The following SYN3 variants were observed in gnomAD, a reference collection of about 807,000 sequenced individuals.
SYN3 encodes synapsin-3.
SYN3 carries 35 observed loss-of-function variants against 65.8 expected under a neutral mutation model. The ratio of observed to expected loss-of-function variants is 0.53; its 90% CI spans 0.41 to 0.70. The LOEUF (loss-of-function observed/expected upper bound fraction) is 0.70, where lower values mean the gene tolerates loss of function less well. Ranked by LOEUF, SYN3 falls within the 30% of genes least tolerant of loss-of-function variation. The probability of loss-of-function intolerance (pLI) is 0.00; values close to 1 mark genes in which losing one functional copy is unlikely to be tolerated. For missense variants in SYN3, 680 were observed against 749.0 expected (o/e 0.91, Z 1.08); for synonymous variants, 270 against 292.9 (o/e 0.92, Z 0.80).
chr22:32,870,189 A>C (rs2048811800), intron 4 of SYN3, among the ~76,000 whole-genome samples: 1 of 152,230 alleles, frequency 6.6e-6, no homozygotes, highest in African/African-American at 2.4e-5. Context: ...TGGCATGTAC[A>C]AAGAAGTAAA....
intron 6 of SYN3, among the ~76,000 whole-genome samples, chr22:32,807,579 G>A (rs1441011638): frequency 6.7e-6 from 1 of 149,530 alleles, no homozygotes; most frequent in East Asian, 1.9e-4. Context: ...AGGGAGGTGT[G>A]CTATTGTCAT....
At chr22:32,671,583 ACACACACGCTGTCATACAGGTG>A (rs1464452649) in intron 6 of SYN3, among the ~76,000 whole-genome samples, 3 of 151,336 alleles carry the variant, frequency 2.0e-5, no homozygotes, top group Admixed American at 2.0e-4. Flanking sequence ...ACAAGTGCAC[ACACACACGCTGTCATACAGGTG>A]CACACACGCT....
chr22:32,678,567 T>C (rs2060478966), intron 6 of SYN3, among the ~76,000 whole-genome samples: 1 of 151,234 alleles, frequency 6.6e-6, no homozygotes, highest in African/African-American at 2.4e-5. Flanking sequence ...CTCCTCCTCC[T>C]TCCTCCTCCT....
chr22:32,522,544 T>C (rs1360913550), intron 12 of SYN3, among the ~76,000 whole-genome samples: 2 of 152,166 alleles, frequency 1.3e-5, no homozygotes, highest in Non-Finnish European at 2.9e-5. Flanking sequence ...GGAACACTTA[T>C]TACTATAGAA....
chr22:32,713,846 A>G (rs1158404623), intron 6 of SYN3, among the ~76,000 whole-genome samples: 1 of 151,246 alleles, frequency 6.6e-6, no homozygotes, highest in East Asian at 1.9e-4. Context: ...AAAAAAAAAA[A>G]AGAAAACAGA....
intron 4 of SYN3, among the ~76,000 whole-genome samples, chr22:32,869,448 C>T (rs1292769343): frequency 2.0e-5 from 3 of 149,800 alleles, no homozygotes; most frequent in African/African-American, 4.9e-5. Context: ...GTGAATCAAC[C>T]GAGATTCTGC....
intron 7 of SYN3, among the ~76,000 whole-genome samples, chr22:32,562,142 C>G (rs894957197): frequency 1.3e-5 from 2 of 152,200 alleles, no homozygotes; most frequent in African/African-American, 2.4e-5. Flanking sequence ...AACATCCCCC[C>G]CAATACTTAA....
chr22:32,676,420 G>A (rs1421290553), intron 6 of SYN3, among the ~76,000 whole-genome samples: 2 of 152,098 alleles, frequency 1.3e-5, no homozygotes, highest in Admixed American at 6.5e-5. Context: ...GCAGAAGCCC[G>A]GAGGTGTGTG....
At chr22:33,010,281 T>C (rs1349738563) in intron 1 of SYN3, among the ~76,000 whole-genome samples, 2 of 152,034 alleles carry the variant, frequency 1.3e-5, no homozygotes, top group African/African-American at 4.8e-5. Context: ...CATACCATCC[T>C]ACAGTGTCTT....
At chr22:32,756,435 T>G (rs1286732232) in intron 6 of SYN3, among the ~76,000 whole-genome samples, 1 of 152,172 alleles carries the variant, frequency 6.6e-6, no homozygotes, top group East Asian at 1.9e-4. Flanking sequence ...AAAATAATAA[T>G]TTATAATGAA....
intron 6 of SYN3, among the ~76,000 whole-genome samples, chr22:32,823,862 C>T (rs1388707776): frequency 1.3e-5 from 2 of 152,152 alleles, no homozygotes; most frequent in Non-Finnish European, 2.9e-5. Flanking sequence ...GGTACATCCC[C>T]ACAGTGCCCT....
chr22:32,715,337 C>T (rs1010672634), intron 6 of SYN3, among the ~76,000 whole-genome samples: 1 of 152,150 alleles, frequency 6.6e-6, no homozygotes, highest in African/African-American at 2.4e-5. Flanking sequence ...CTCAGTGTTT[C>T]CCAAATGTAT....
intron 6 of SYN3, among the ~76,000 whole-genome samples, chr22:32,835,087 CCTATA>C (rs2047691270): frequency 6.6e-6 from 1 of 152,156 alleles, no homozygotes; most frequent in Non-Finnish European, 1.5e-5. Flanking sequence ...TGATCAAAAC[CCTATA>C]CATTCTTCTG....
At chr22:32,825,528 G>A (rs370581980) in intron 6 of SYN3, among the ~76,000 whole-genome samples, 9 of 151,292 alleles carry the variant, frequency 5.9e-5, no homozygotes, top group African/African-American at 1.5e-4. Flanking sequence ...GTGTGGTGGC[G>A]GGCGCCTGTA....
chr22:32,542,493 G>C (rs1444353249), intron 7 of SYN3, among the ~76,000 whole-genome samples: 2 of 151,534 alleles, frequency 1.3e-5, no homozygotes, highest in African/African-American at 4.9e-5. Context: ...TGTGTGTGCT[G>C]TGAGTTGTAC....
intron 1 of SYN3, among the ~76,000 whole-genome samples, chr22:33,012,334 CT>C (rs1357558771): frequency 2.0e-5 from 3 of 152,216 alleles, no homozygotes; most frequent in Admixed American, 2.0e-4. Flanking sequence ...CTTGTTAATG[CT>C]TTTAATATAA....
At chr22:32,617,975 T>C (rs1335388111) in intron 6 of SYN3, among the ~76,000 whole-genome samples, 1 of 152,114 alleles carries the variant, frequency 6.6e-6, no homozygotes. Context: ...AAGTAATTCC[T>C]TATTGCAATA....
intron 6 of SYN3, among the ~76,000 whole-genome samples, chr22:32,719,036 C>T (rs1413782194): frequency 6.6e-6 from 1 of 152,188 alleles, no homozygotes; most frequent in Non-Finnish European, 1.5e-5. Flanking sequence ...AGATCAGCCT[C>T]ATCTTCCAAG....
At position 32,809,728 on chromosome 22, in the gene SYN3, C is replaced by T. The variant is rs564875482; in HGVS notation, c.711+55187G>A. Among the ~76,000 whole-genome samples, 7 of 152,326 alleles carry T rather than the reference C, an allele frequency of 4.6e-5. No individual in the cohort carries two copies. In the East Asian group the frequency reaches 1.2e-3, roughly 25 times the overall value. On this transcript the variant is annotated intron_variant, in intron 6 of 13. Transcript: ENST00000358763. ...AATTAATTATAGCCGAAAGCAAGGA[C>T]GGTTGGTGTTTTCATAAGCCTGGGA...
Sources: allele counts gnomAD v4.1 joint callset (sites outside exome capture counted in the v4.1 genomes callset), GRCh38; gene constraint gnomAD v4.1.1; transcripts MANE v1.5; gene names NCBI Gene and HGNC (gene_info 2026-07-23, HGNC 2026-07-21).